Variants in PCSK6 observed in about 807,000 individuals in gnomAD.
The protein encoded by PCSK6 is proprotein convertase subtilisin/kexin type 6, also known as paired basic amino acid cleaving enzyme 4.
In PCSK6, 85 loss-of-function variants were observed where a neutral mutation model predicts 123.3. The observed-to-expected ratio is 0.69, with a 90% CI of 0.58 to 0.83. PCSK6 has a LOEUF of 0.83. Ranked by LOEUF, PCSK6 falls within the 40% of genes least tolerant of loss-of-function variation. The pLI, the probability that PCSK6 is intolerant of heterozygous loss-of-function variation, is 0.00. For missense variants in PCSK6, 1,191 were observed against 1,282.3 expected (o/e 0.93, Z 1.09); for synonymous variants, 508 against 516.0 (o/e 0.98, Z 0.21).
intron 11 of PCSK6, among the ~76,000 whole-genome samples, chr15:101,378,764 C>T (rs779696457): frequency 1.3e-5 from 2 of 151,042 alleles, no homozygotes; most frequent in Non-Finnish European, 2.9e-5. Flanking sequence ...CAGGCTCAAA[C>T]CCCCCAGTCC....
chr15:101,489,128 G>C (rs2058093446), intron 1 of PCSK6, among the ~76,000 whole-genome samples: 1 of 146,732 alleles, frequency 6.8e-6, no homozygotes, highest in Admixed American at 6.7e-5. Flanking sequence ...CGGCGCGCCG[G>C]ACCTGCGTGG....
At chr15:101,442,975 C>T (rs2056794383) in intron 2 of PCSK6, among the ~76,000 whole-genome samples, 1 of 152,174 alleles carries the variant, frequency 6.6e-6, no homozygotes. Flanking sequence ...GCTCACTTGG[C>T]CATCTTAAAT....
chr15:101,428,577 G>C (rs2056339383), intron 5 of PCSK6, among the ~76,000 whole-genome samples: 1 of 152,204 alleles, frequency 6.6e-6, no homozygotes, highest in South Asian at 2.1e-4. Flanking sequence ...ATGAAGAAAT[G>C]ACCAGAAAAA....
intron 1 of PCSK6, among the ~76,000 whole-genome samples, chr15:101,454,424 A>G (rs1206789452): frequency 2.6e-5 from 4 of 152,144 alleles, no homozygotes; most frequent in Non-Finnish European, 4.4e-5. Context: ...GGGACACACG[A>G]TGGAATATGG....
chr15:101,405,196 T>C (rs1426617372), intron 6 of PCSK6, among the ~76,000 whole-genome samples: 1 of 152,134 alleles, frequency 6.6e-6, no homozygotes, highest in African/African-American at 2.4e-5. Context: ...AGAAAAACAG[T>C]AATGATTTCT....
At chr15:101,385,717 A>G (rs1363714797) in intron 9 of PCSK6, among the ~76,000 whole-genome samples, 2 of 152,216 alleles carry the variant, frequency 1.3e-5, no homozygotes, top group Non-Finnish European at 2.9e-5. Context: ...CAACCTGGAT[A>G]TTTGAACATA....
intron 1 of PCSK6, among the ~76,000 whole-genome samples, chr15:101,479,554 G>C (rs12324407): frequency 0.04 from 6,160 of 152,288 alleles, 249 homozygotes; most frequent in African/African-American, 0.1. Context: ...GAAAGACCCA[G>C]AGGCTGGTCG....
At chr15:101,350,423 T>C (rs938695638) in intron 13 of PCSK6, among the ~76,000 whole-genome samples, 1 of 152,228 alleles carries the variant, frequency 6.6e-6, no homozygotes, top group Non-Finnish European at 1.5e-5. Flanking sequence ...ATATTAGACA[T>C]AAAGGTGTCT....
intron 1 of PCSK6, among the ~76,000 whole-genome samples, chr15:101,466,993 A>C (rs2057477182): frequency 6.6e-6 from 1 of 152,204 alleles, no homozygotes; most frequent in Non-Finnish European, 1.5e-5. Flanking sequence ...AGATAGGTGC[A>C]TCCTATGTGA....
intron 2 of PCSK6, among the ~76,000 whole-genome samples, chr15:101,433,412 G>A (rs1296912367): frequency 2.0e-5 from 3 of 152,208 alleles, no homozygotes; most frequent in Non-Finnish European, 2.9e-5. Context: ...GTCTTACCAC[G>A]GCAGCTCCAC....
rs768681291 is a variant in PCSK6 at position 101,382,102 on chromosome 15, T to G, written c.1522A>C (p.Lys508Gln). The G allele has an allele frequency of 3.1e-6, 5 of 1,605,624 alleles. No homozygotes were observed. The highest frequency in any genetic ancestry group is 4.3e-6 in the Non-Finnish European group (5 of 1,176,046). ...SQHMCVAASD[K>Q]RPRSIPLVQV... ...ACAGCAGAGCCTTACCTGGGTCTCT[T>G]GTCCGAGGCGGCCACACACATGTGC... is the stretch of plus-strand genomic sequence containing the variant. The change falls in exon 11 of 22, where the codon AAG becomes CAG. Residue 508 changes from lysine to glutamine, a missense_variant. Transcript: ENST00000611716.
chr15:101,335,895 C>T (rs1362654979), intron 13 of PCSK6, among the ~76,000 whole-genome samples: 4 of 152,342 alleles, frequency 2.6e-5, no homozygotes, highest in East Asian at 1.9e-4. Flanking sequence ...TCCCAGGCCA[C>T]AAACCTGTGC....
At chr15:101,481,671 C>G (rs901192329) in intron 1 of PCSK6, among the ~76,000 whole-genome samples, 3 of 152,130 alleles carry the variant, frequency 2.0e-5, no homozygotes, top group Non-Finnish European at 4.4e-5. Flanking sequence ...AGCACGGGAG[C>G]AGGAGGAGGC....
At chr15:101,427,243 G>C (rs1364576597) in intron 6 of PCSK6, among the ~76,000 whole-genome samples, 3 of 152,206 alleles carry the variant, frequency 2.0e-5, no homozygotes, top group Non-Finnish European at 4.4e-5. Flanking sequence ...GGACCAAGAA[G>C]AGCTGATTCC....
intron 1 of PCSK6, among the ~76,000 whole-genome samples, chr15:101,459,073 C>A (rs996535262): frequency 3.9e-5 from 6 of 152,126 alleles, no homozygotes; most frequent in Admixed American, 3.9e-4. Context: ...GAAGAGAAAC[C>A]CTCTCCAGGC....
At chr15:101,468,091 G>A (rs1265424641) in intron 1 of PCSK6, among the ~76,000 whole-genome samples, 2 of 152,184 alleles carry the variant, frequency 1.3e-5, no homozygotes, top group Non-Finnish European at 2.9e-5. Flanking sequence ...GGAGAAAAAA[G>A]TGTGGTGTCA....
rs1267531873 is a variant in PCSK6, at chr15:101,342,151, AAAG to A, written c.1859-10123_1859-10121del. ...TCTCAAAAAAAAAAAAAAAAAAAAAAAAGAAGATTGCTTAAAGCAAAAAGTAAT... is the reference window on the plus strand; with the variant it reads ...TCTCAAAAAAAAAAAAAAAAAAAAAAAAGATTGCTTAAAGCAAAAAGTAAT... On this transcript the variant is annotated intron_variant, in intron 13 of 21. Transcript: ENST00000611716. Among the ~76,000 whole-genome samples the A allele has an allele frequency of 1.5e-3, 229 of 148,042 alleles. 4 individuals are homozygous for A. The highest frequency in any genetic ancestry group is 5.4e-3 in the African/African-American group (212 of 39,486).
intron 6 of PCSK6, among the ~76,000 whole-genome samples, chr15:101,413,722 C>T (rs1495273): frequency 0.44 from 66,695 of 151,858 alleles, 14,955 homozygotes; most frequent in East Asian, 0.56. Flanking sequence ...ACATGATAAA[C>T]ACCCAAGATG....
chr15:101,324,525 T>A (rs1331111082), intron 17 of PCSK6, among the ~76,000 whole-genome samples: 1 of 152,042 alleles, frequency 6.6e-6, no homozygotes, highest in Non-Finnish European at 1.5e-5. Flanking sequence ...AGTTCAAGAG[T>A]GGCTGGCCCT....
Sources: gnomAD v4.1 joint callset for allele counts (sites outside exome capture counted in the v4.1 genomes callset) on GRCh38, gnomAD v4.1.1 for gene constraint, MANE v1.5 for transcripts, NCBI Gene and HGNC (gene_info 2026-07-23, HGNC 2026-07-21) for gene names.